C4orf36: variants seen among roughly 807,000 people sequenced by gnomAD.
The protein encoded by C4orf36 is chromosome 4 open reading frame 36, also known as uncharacterized protein C4orf36.
A neutral mutation model predicts 12.2 loss-of-function variants in C4orf36; 11 were observed. The ratio of observed to expected loss-of-function variants is 0.90; its 90% CI spans 0.57 to 1.49. C4orf36 has a LOEUF of 1.49. Among genes scored for constraint, C4orf36 ranks in the 40% most tolerant of loss-of-function variants. C4orf36 has a pLI of 0.00. For synonymous variants in C4orf36, 54 were observed against 51.3 expected (o/e 1.05, Z -0.22); for missense variants, 137 against 133.9 (o/e 1.02, Z -0.11).
the C4orf36 span, among the ~76,000 whole-genome samples, chr4:86,928,573 C>T: frequency 3.3e-5 from 5 of 152,176 alleles, no homozygotes; most frequent in African/African-American, 1.2e-4. Flanking sequence ...TTGAGGCAAA[C>T]GAGCAGATGA....
At position 86,891,533 on chromosome 4, in the gene C4orf36, C is replaced by A; in HGVS notation, c.-13G>T. ...CTCCATACGCCATGGTGAGTTATTA[C>A]GGTATGATTTCGTTACATAGGTGCC... On this transcript the variant is annotated 5_prime_UTR_variant, in exon 2 of 5. Coordinates refer to ENST00000295898, the MANE Select transcript of C4orf36 (RefSeq NM_144645.4). 5 of 1,613,898 alleles carry A rather than the reference C, an allele frequency of 3.1e-6. No homozygotes were observed. The highest frequency in any genetic ancestry group is 4.2e-6 in the Non-Finnish European group (5 of 1,179,946).
chr4:86,886,553 C>T (rs1293154098), intron 4 of C4orf36: 1 of 152,200 alleles, frequency 6.6e-6, no homozygotes, highest in Non-Finnish European at 1.5e-5. Context: ...CAAATCAAAA[C>T]CACAATGAGA....
intron 4 of C4orf36, among the ~76,000 whole-genome samples, chr4:86,884,158 C>G (rs1560471118): frequency 6.6e-6 from 1 of 152,116 alleles, no homozygotes; most frequent in Non-Finnish European, 1.5e-5. Flanking sequence ...GATCAATTCC[C>G]CATCCCCCAT....
the C4orf36 span, among the ~76,000 whole-genome samples, chr4:86,930,404 A>G: frequency 6.6e-6 from 1 of 152,252 alleles, no homozygotes; most frequent in Non-Finnish European, 1.5e-5. Flanking sequence ...TTCAAATTCT[A>G]CTTCTACTAT....
At chr4:86,908,093 T>A in the C4orf36 span, among the ~76,000 whole-genome samples, 1 of 152,016 alleles carries the variant, frequency 6.6e-6, no homozygotes, top group Admixed American at 6.6e-5. Flanking sequence ...CAATTTTTCT[T>A]ACACATAGAT....
chr4:86,927,711 A>G, the C4orf36 span, among the ~76,000 whole-genome samples: 4 of 151,976 alleles, frequency 2.6e-5, no homozygotes, highest in Non-Finnish European at 5.9e-5. Context: ...GAGGTAGAGA[A>G]TTGCTTGAAC....
the C4orf36 span, among the ~76,000 whole-genome samples, chr4:86,906,363 C>T: frequency 1.3e-5 from 2 of 152,052 alleles, no homozygotes; most frequent in African/African-American, 2.4e-5. Context: ...TGGGGAATGA[C>T]GTTAAAATGC....
chr4:86,893,867 TA>T (rs1560475492), upstream of C4orf36, among the ~76,000 whole-genome samples: 161 of 14,328 alleles, frequency 0.011, 2 homozygotes, highest in South Asian at 0.012. Context: ...CCTGAATTTT[TA>T]TTTATTTATT....
chr4:86,903,007 G>C, the C4orf36 span, among the ~76,000 whole-genome samples: 1 of 152,218 alleles, frequency 6.6e-6, no homozygotes. Context: ...GTACATGGTG[G>C]CTTCTGACTT....
chr4:86,891,444 A>ATTATAAC lies in C4orf36; in HGVS notation c.65+11_65+12insGTTATAA. Reference sequence around the variant, plus strand: ...TGCTTACCCTGATTTAAAAAAAAAAAATAGTACTTACACATTATAACAACT... The same window carrying ATTATAAC: ...TGCTTACCCTGATTTAAAAAAAAAAATTATAACATAGTACTTACACATTATAACAACT... On this transcript the variant is annotated intron_variant, in intron 2 of 4. Coordinates refer to ENST00000295898, the MANE Select transcript of C4orf36 (RefSeq NM_144645.4). 6.2e-7 allele frequency: 1 copy of ATTATAAC among 1,612,482 alleles called. No homozygotes were observed. Among genetic ancestry groups the ATTATAAC allele is most frequent in the South Asian group, 1.1e-5 (1 of 90,844 alleles).
chr4:86,913,853 G>A, the C4orf36 span: 1,386 of 853,204 alleles, frequency 1.6e-3, 12 homozygotes, highest in South Asian at 9.2e-3. Context: ...TTTTGAGACG[G>A]AGTCTCGCTC....
At chr4:86,890,968 G>C (rs1249715802) in intron 2 of C4orf36, among the ~76,000 whole-genome samples, 3 of 152,116 alleles carry the variant, frequency 2.0e-5, no homozygotes, top group Non-Finnish European at 4.4e-5. Flanking sequence ...TGATTGGAAA[G>C]CATGTGTTGT....
upstream of C4orf36, chr4:86,892,424 G>A (rs1241920600): frequency 2.0e-6 from 2 of 985,444 alleles, no homozygotes; most frequent in East Asian, 2.3e-4. Flanking sequence ...GCCGAGTCTG[G>A]GGCTCCTCGC....
At chr4:86,893,199 C>T (rs1193059288), upstream of C4orf36, among the ~76,000 whole-genome samples, 1 of 152,158 alleles carries the variant, frequency 6.6e-6, no homozygotes, top group Non-Finnish European at 1.5e-5. Context: ...AATTGTGGAG[C>T]CGACGAATGA....
At chr4:86,883,092 G>A (rs1312772604) in intron 4 of C4orf36, among the ~76,000 whole-genome samples, 4 of 152,198 alleles carry the variant, frequency 2.6e-5, no homozygotes, top group Non-Finnish European at 5.9e-5. Flanking sequence ...GCCAGGTTGT[G>A]AGTGAGGTGT....
chr4:86,903,557 G>A, the C4orf36 span, among the ~76,000 whole-genome samples: 2 of 152,222 alleles, frequency 1.3e-5, no homozygotes, highest in Non-Finnish European at 2.9e-5. Context: ...GACCTTCATG[G>A]TGAGTGTTAC....
At chr4:86,889,178 C>T (rs1433099326) in intron 2 of C4orf36, among the ~76,000 whole-genome samples, 4 of 151,834 alleles carry the variant, frequency 2.6e-5, no homozygotes, top group Admixed American at 6.6e-5. Context: ...GGTGAAATCC[C>T]GTCTCTACTA....
At chr4:86,904,867 C>G in the C4orf36 span, among the ~76,000 whole-genome samples, 3 of 152,138 alleles carry the variant, frequency 2.0e-5, no homozygotes, top group African/African-American at 7.2e-5. Context: ...ATTGTGCCCC[C>G]TCAAAATTCA....
upstream of C4orf36, among the ~76,000 whole-genome samples, chr4:86,897,346 G>A (rs552245315): frequency 1.2e-3 from 175 of 152,152 alleles, no homozygotes; most frequent in Non-Finnish European, 2.1e-3. Flanking sequence ...GGGTGAATGA[G>A]TGAGACTCTG....
Sources: gnomAD v4.1 joint callset for allele counts (sites outside exome capture counted in the v4.1 genomes callset) on GRCh38, gnomAD v4.1.1 for gene constraint, MANE v1.5 for transcripts, NCBI Gene and HGNC (gene_info 2026-07-23, HGNC 2026-07-21) for gene names.